Variants in FAM174A observed in about 807,000 individuals in gnomAD.
FAM174A encodes the protein family with sequence similarity 174 member A.
A neutral mutation model predicts 14.3 loss-of-function variants in FAM174A; 14 were observed. The observed-to-expected ratio is 0.98, with a 90% CI of 0.65 to 1.53. The LOEUF is 1.53. Among genes scored for constraint, FAM174A ranks in the 40% most tolerant of loss-of-function variants. The probability of loss-of-function intolerance (pLI) is 0.00; values close to 1 mark genes in which losing one functional copy is unlikely to be tolerated. For missense variants in FAM174A, 241 were observed against 249.6 expected (o/e 0.97, Z 0.23); for synonymous variants, 108 against 111.4 (o/e 0.97, Z 0.19).
At chr5:100,543,121 A>G (rs1580362899) in intron 1 of FAM174A, among the ~76,000 whole-genome samples, 1 of 152,080 alleles carries the variant, frequency 6.6e-6, no homozygotes, top group East Asian at 1.9e-4. Context: ...AATAAAATGT[A>G]AAATTCCAGT....
intron 1 of FAM174A, among the ~76,000 whole-genome samples, chr5:100,559,419 G>A (rs1345972042): frequency 2.0e-5 from 3 of 151,952 alleles, no homozygotes; most frequent in African/African-American, 7.3e-5. Flanking sequence ...ATGTGTCTTG[G>A]AGTTGCTCTT....
intron 1 of FAM174A, among the ~76,000 whole-genome samples, chr5:100,558,545 G>C (rs1017076555): frequency 8.5e-5 from 13 of 152,062 alleles, no homozygotes; most frequent in African/African-American, 2.9e-4. Flanking sequence ...GGGTATTAAA[G>C]TCTCCCATTA....
intron 1 of FAM174A, among the ~76,000 whole-genome samples, chr5:100,549,349 A>G (rs1423532939): frequency 6.6e-6 from 1 of 152,186 alleles, no homozygotes; most frequent in Non-Finnish European, 1.5e-5. Context: ...AAAGAAATCC[A>G]TGTCAAGACA....
At position 100,535,475 on chromosome 5, in the gene FAM174A, G is replaced by C. The variant is rs1745919058; in HGVS notation, c.-56G>C. The C allele has an allele frequency of 6.3e-7, 1 of 1,591,144 alleles. No homozygotes were observed. The highest frequency in any genetic ancestry group is 8.6e-7 in the Non-Finnish European group (1 of 1,165,262). On this transcript the variant is annotated 5_prime_UTR_variant, in exon 1 of 3. Transcript: ENST00000312637. ...TCCACCGCGCCTATGGTCCCTCTTGGAGCCAGCGTGGCGGGCCTGGCGGCT... is the reference window on the plus strand; with the variant it reads ...TCCACCGCGCCTATGGTCCCTCTTGCAGCCAGCGTGGCGGGCCTGGCGGCT...
intron 2 of FAM174A, among the ~76,000 whole-genome samples, chr5:100,566,774 TAAA>T (rs1234450396): frequency 2.0e-5 from 3 of 151,856 alleles, no homozygotes; most frequent in South Asian, 4.2e-4. Flanking sequence ...GATGGAGAAA[TAAA>T]AAGTTCATGA....
chr5:100,555,555 A>C (rs1445336813), intron 1 of FAM174A, among the ~76,000 whole-genome samples: 2 of 152,064 alleles, frequency 1.3e-5, no homozygotes, highest in East Asian at 3.9e-4. Context: ...ACAGTGTAAA[A>C]GTGTTCCTAT....
In FAM174A at chr5:100,578,310, T is replaced by C. The variant is rs540173551; in HGVS notation, c.570-7871T>C. ...GACTGAATGCCCTTAGACCAATCTC[T>C]TGAATCTTGATTCCTCCTCATTACC... On this transcript the variant is annotated intron_variant, in intron 2 of 2. Transcript: ENST00000312637. Among the ~76,000 whole-genome samples, 4 of 152,264 alleles carry C rather than the reference T, an allele frequency of 2.6e-5. No homozygotes were observed. In the South Asian group the frequency reaches 8.3e-4, roughly 32 times the overall value.
Position 100,572,441 on chromosome 5 carries a change from C to T in FAM174A, c.569+10253C>T, listed in dbSNP as rs537577813. Among the ~76,000 whole-genome samples, 83 of 148,938 alleles carry T rather than the reference C, an allele frequency of 5.6e-4. No homozygotes were observed. In the Middle Eastern group the frequency reaches 0.014, roughly 24 times the overall value. On this transcript the variant is annotated intron_variant, in intron 2 of 2. Coordinates refer to ENST00000312637, the MANE Select transcript of FAM174A (RefSeq NM_198507.3). ...AACAGTCCCCAGAGTGTGATATTCC[C>T]CTTCCTGTGTCCATGTGATCTCATT...
At chr5:100,555,008 A>T (rs975394626) in intron 1 of FAM174A, among the ~76,000 whole-genome samples, 2 of 151,926 alleles carry the variant, frequency 1.3e-5, no homozygotes, top group African/African-American at 4.8e-5. Context: ...TACATGTGCC[A>T]TGTTGGTGTG....
chr5:100,573,175 GC>G lies in FAM174A; in HGVS notation c.569+10988del, dbSNP rs768841647. On this transcript the variant is annotated intron_variant, in intron 2 of 2. Coordinates refer to ENST00000312637, the MANE Select transcript of FAM174A (RefSeq NM_198507.3). ...TAGCCCTTTGTCAGTTGAGTAGGTT[GC>G]GAAAATTTTCTCCCATTTTGTAGGT... Among the ~76,000 whole-genome samples, 18 of 152,050 alleles carry G rather than the reference GC, an allele frequency of 1.2e-4. No homozygotes were observed. The South Asian group carries it at 3.5e-3, about 30-fold the overall frequency.
chr5:100,561,715 GT>G (rs1298869233), intron 1 of FAM174A, among the ~76,000 whole-genome samples: 1 of 151,826 alleles, frequency 6.6e-6, no homozygotes, highest in Admixed American at 6.6e-5. Flanking sequence ...GGAGCAGGAG[GT>G]TTCAGTAAAG....
chr5:100,548,923 A>G (rs1439914763), intron 1 of FAM174A, among the ~76,000 whole-genome samples: 4 of 147,574 alleles, frequency 2.7e-5, no homozygotes, highest in Admixed American at 6.6e-5. Context: ...TAATTTTCTC[A>G]CTTATGAAAT....
chr5:100,559,647 CT>C (rs1746482078), intron 1 of FAM174A, among the ~76,000 whole-genome samples: 1 of 152,054 alleles, frequency 6.6e-6, no homozygotes, highest in African/African-American at 2.4e-5. Context: ...TTGTTCGTTT[CT>C]TTTTATTCTT....
At chr5:100,581,780 C>T (rs1040763594) in intron 2 of FAM174A, among the ~76,000 whole-genome samples, 8 of 152,142 alleles carry the variant, frequency 5.3e-5, no homozygotes, top group African/African-American at 1.7e-4. Context: ...GAAATTCCCA[C>T]TCAAGGAATG....
At position 100,562,176 on chromosome 5, in the gene FAM174A, A is replaced by G. The variant is rs76060686; in HGVS notation, c.557A>G (p.Asn186Ser). ...EDDDNTLFDA[N>S]HPRR is the part of the protein sequence containing the mutation. ...GATGACAACACGTTGTTTGATGCCA[A>G]TCATCCTCGAAGGTAAGTATTCCAG... Residue 186 changes from asparagine to serine, a missense_variant, in exon 2 of 3, where the codon AAT (asparagine) becomes AGT (serine). Transcript: ENST00000312637. 1,946 of 1,577,308 alleles carry G rather than the reference A, an allele frequency of 1.2e-3. 20 individuals are homozygous for G. The African/African-American group carries it at 0.023, about 19-fold the overall frequency.
chr5:100,579,450 G>A (rs952715546), intron 2 of FAM174A, among the ~76,000 whole-genome samples: 1 of 151,858 alleles, frequency 6.6e-6, no homozygotes, highest in African/African-American at 2.4e-5. Context: ...TTAAGATGGA[G>A]TTTCGGTCTT....
chr5:100,572,304 G>T (rs1473453724), intron 2 of FAM174A, among the ~76,000 whole-genome samples: 3 of 146,310 alleles, frequency 2.1e-5, no homozygotes, highest in Admixed American at 6.9e-5. Flanking sequence ...ACATTGTGCA[G>T]GTTAGTTACA....
At chr5:100,553,786 A>G (rs1193498933) in intron 1 of FAM174A, among the ~76,000 whole-genome samples, 1 of 152,166 alleles carries the variant, frequency 6.6e-6, no homozygotes, top group East Asian at 1.9e-4. Flanking sequence ...AATGCAGCCA[A>G]ATGTTTAGGC....
rs546469615 is a variant in FAM174A at position 100,568,202 on chromosome 5, C to T, written c.569+6014C>T. Among the ~76,000 whole-genome samples the T allele has an allele frequency of 2.0e-5, 3 of 151,926 alleles. No homozygotes were observed. The East Asian group carries it at 5.8e-4, about 29-fold the overall frequency. ...ATTCATTGCTGTACTTATTTTAGTG[C>T]ACATGTTGTCCCAGATGTGGTCAGT... On this transcript the variant is annotated intron_variant, in intron 2 of 2. Transcript: ENST00000312637.
Sources: allele counts gnomAD v4.1 joint callset (sites outside exome capture counted in the v4.1 genomes callset), GRCh38; gene constraint gnomAD v4.1.1; transcripts MANE v1.5; gene names NCBI Gene and HGNC (gene_info 2026-07-23, HGNC 2026-07-21).